The following CCDC66 variants were observed in gnomAD, a reference collection of about 807,000 sequenced individuals.
The protein encoded by CCDC66 is coiled-coil domain containing 66, also known as coiled-coil domain-containing protein 66.
A neutral mutation model predicts 128.3 loss-of-function variants in CCDC66; 133 were observed. That is an observed-to-expected ratio of 1.04 (90% CI 0.90 to 1.20). The LOEUF is 1.20. CCDC66 is among the 50% of genes most tolerant of loss of function. The pLI is 0.00. For synonymous variants in CCDC66, 387 were observed against 357.0 expected (o/e 1.08, Z -0.95); for missense variants, 1,126 against 1,075.5 (o/e 1.05, Z -0.66).
intron 17 of CCDC66, 24 bp from the exon 18 acceptor site, chr3:56,621,508 A>AAACAT: frequency 6.7e-7 from 1 of 1,491,056 alleles, no homozygotes; most frequent in Non-Finnish European, 9.2e-7. Flanking sequence ...TTTTACTAAC[A>AAACAT]AACATATATC....
At chr3:56,565,223 G>T in intron 4 of CCDC66, 1 of 252,576 alleles carries the variant, frequency 4.0e-6, no homozygotes, top group Non-Finnish European at 8.5e-6. Flanking sequence ...TATTTATCAA[G>T]ATATTTGTAT....
intron 7 of CCDC66, among the ~76,000 whole-genome samples, chr3:56,579,129 G>C (rs1332496244): frequency 6.6e-6 from 1 of 151,838 alleles, no homozygotes; most frequent in African/African-American, 2.4e-5. Context: ...TCCTGGTTTA[G>C]ATGTGGGAGG....
chr3:56,557,463 A>T (rs1282173999), intron 1 of CCDC66, among the ~76,000 whole-genome samples: 2 of 151,998 alleles, frequency 1.3e-5, no homozygotes, highest in Non-Finnish European at 2.9e-5. Context: ...GTTTTCACTT[A>T]ATGACTAGCA....
At chr3:56,593,467 G>A in intron 8 of CCDC66, 24 bp from the exon 9 acceptor site, 1 of 1,604,114 alleles carries the variant, frequency 6.2e-7, no homozygotes. Context: ...AAAATTCTTA[G>A]CAATTCTTAT....
In CCDC66 at chr3:56,615,910, T is replaced by G. The variant is rs2075434256; in HGVS notation, c.1712-12T>G. On this transcript the variant is annotated splice_polypyrimidine_tract_variant and intron_variant, in intron 12 of 17. Transcript: ENST00000394672. ...TTAAGTGTTGTTTTATCAGGTGATTTCTCTTTGCCAGTTGATACAATACAA... is the reference window on the plus strand; with the variant it reads ...TTAAGTGTTGTTTTATCAGGTGATTGCTCTTTGCCAGTTGATACAATACAA... The G allele has an allele frequency of 6.3e-7, 1 of 1,583,762 alleles. No homozygotes were observed. The highest frequency in any genetic ancestry group is 2.3e-5 in the East Asian group (1 of 42,956).
In CCDC66 at chr3:56,619,903, T is replaced by C; in HGVS notation, c.2760+2T>C. Reference sequence around the variant, plus strand: ...AAGGGACTTTCAGAACTGAGACAGGTATGAGCTTTTTCAAGTGTAGATATG... The same window carrying C: ...AAGGGACTTTCAGAACTGAGACAGGCATGAGCTTTTTCAAGTGTAGATATG... On this transcript the variant is annotated splice_donor_variant, in intron 17 of 17. Coordinates refer to ENST00000394672, the MANE Select transcript of CCDC66 (RefSeq NM_001141947.3). LOFTEE classifies it high-confidence loss of function. 1 of 1,613,488 alleles carries C rather than the reference T, an allele frequency of 6.2e-7. No individual in the cohort carries two copies. Among genetic ancestry groups the C allele is most frequent in the Non-Finnish European group, 8.5e-7 (1 of 1,179,722 alleles).
intron 10 of CCDC66, among the ~76,000 whole-genome samples, chr3:56,606,238 T>A (rs1008128087): frequency 5.3e-5 from 8 of 152,092 alleles, no homozygotes; most frequent in Non-Finnish European, 1.0e-4. Flanking sequence ...CGAGCCTGAC[T>A]ACTTGCAAGG....
chr3:56,579,277 A>G (rs6799711), intron 7 of CCDC66, among the ~76,000 whole-genome samples: 115,853 of 151,266 alleles, frequency 0.77, 45,366 homozygotes, highest in Non-Finnish European at 0.84. Context: ...TTTTTATTGC[A>G]TCTATTTGAT....
chr3:56,583,149 G>A (rs1053522786), intron 7 of CCDC66, among the ~76,000 whole-genome samples: 5 of 151,772 alleles, frequency 3.3e-5, no homozygotes, highest in Middle Eastern at 3.4e-3. Flanking sequence ...TTATAGGCTT[G>A]AGCTGCTGTG....
At chr3:56,608,471 A>G (rs915219283) in intron 10 of CCDC66, among the ~76,000 whole-genome samples, 20 of 152,192 alleles carry the variant, frequency 1.3e-4, no homozygotes, top group Admixed American at 1.2e-3. Context: ...CAGTTGTAAT[A>G]TCTCCTGTTT....
intron 14 of CCDC66, chr3:56,617,896 T>A: frequency 1.8e-6 from 1 of 570,636 alleles, no homozygotes; most frequent in Non-Finnish European, 3.1e-6. Context: ...TATCGAGTCC[T>A]TTACACTTAC....
At chr3:56,600,622 C>T (rs1158607232) in intron 10 of CCDC66, among the ~76,000 whole-genome samples, 1 of 152,036 alleles carries the variant, frequency 6.6e-6, no homozygotes, top group Non-Finnish European at 1.5e-5. Flanking sequence ...TCCTATTTCA[C>T]CACATCCTCT....
chr3:56,606,307 A>G (rs1179871515), intron 10 of CCDC66, among the ~76,000 whole-genome samples: 1 of 151,984 alleles, frequency 6.6e-6, no homozygotes, highest in Non-Finnish European at 1.5e-5. Flanking sequence ...CTGGCATTCC[A>G]GGCACCACTG....
At chr3:56,570,976 A>G (rs2066536600) in intron 6 of CCDC66, among the ~76,000 whole-genome samples, 1 of 152,234 alleles carries the variant, frequency 6.6e-6, no homozygotes, top group South Asian at 2.1e-4. Context: ...ATAAAATTGT[A>G]CCATACTTAA....
Position 56,558,877 on chromosome 3 carries a change from G to C in CCDC66, c.43G>C (p.Asp15His). The C allele has an allele frequency of 6.5e-7, 1 of 1,549,532 alleles. No individual in the cohort carries two copies. Reference sequence around the variant, plus strand: ...TTTAAAGCTTGAAACTGAATTACTGGATGGAAAAACCAAGCTAATATTGTC... The same window carrying C: ...TTTAAAGCTTGAAACTGAATTACTGCATGGAAAAACCAAGCTAATATTGTC... ...DGLKLETELL[D>H]GKTKLILSPY... The change falls in exon 2 of 18, where the codon GAT (aspartate) becomes CAT (histidine). Residue 15 changes from aspartate to histidine, a missense_variant. Coordinates refer to ENST00000394672, the MANE Select transcript of CCDC66 (RefSeq NM_001141947.3).
At chr3:56,580,591 G>A (rs1164418980) in intron 7 of CCDC66, among the ~76,000 whole-genome samples, 1 of 151,804 alleles carries the variant, frequency 6.6e-6, no homozygotes, top group Non-Finnish European at 1.5e-5. Flanking sequence ...AGGAGCTCTT[G>A]TAAGGCAGGC....
intron 3 of CCDC66, among the ~76,000 whole-genome samples, chr3:56,561,805 A>T (rs746331800): frequency 6.6e-6 from 1 of 152,094 alleles, no homozygotes; most frequent in Non-Finnish European, 1.5e-5. Context: ...CAAGTTATTC[A>T]TGAATTATCT....
intron 3 of CCDC66, chr3:56,561,144 A>G (rs1315015523): frequency 8.9e-6 from 4 of 448,558 alleles, no homozygotes; most frequent in Non-Finnish European, 1.8e-5. Context: ...CCCTTTCCCT[A>G]TTAAAAATTG....
chr3:56,559,501 G>A (rs1313996453), intron 2 of CCDC66, 68 bp from the exon 3 acceptor site: 22 of 1,028,574 alleles, frequency 2.1e-5, no homozygotes, highest in Non-Finnish European at 3.1e-5. Flanking sequence ...ATTAATTACA[G>A]TTTTCTTGCA....
Sources: gnomAD v4.1 joint callset for allele counts (sites outside exome capture counted in the v4.1 genomes callset) on GRCh38, gnomAD v4.1.1 for gene constraint, MANE v1.5 for transcripts, NCBI Gene and HGNC (gene_info 2026-07-23, HGNC 2026-07-21) for gene names.